The following EYS variants were observed in gnomAD, a reference collection of about 807,000 sequenced individuals.
The protein encoded by EYS is protein eyes shut homolog.
EYS carries 250 observed loss-of-function variants against 282.1 expected under a neutral mutation model. That is an observed-to-expected ratio of 0.89 (90% CI 0.80 to 0.98). The LOEUF is 0.98. EYS is among the 50% of genes least tolerant of loss of function. The pLI is 0.00. For missense variants in EYS, 4,016 were observed against 3,709.0 expected, an observed-to-expected ratio of 1.08 and a Z score of -2.15; for synonymous variants, 1,355 against 1,282.9, an observed-to-expected ratio of 1.06 and a Z score of -1.20.
chr6:64,615,680 A>T (rs1290592328), intron 24 of EYS, among the ~76,000 whole-genome samples: 1 of 152,132 alleles, frequency 6.6e-6, no homozygotes, highest in Non-Finnish European at 1.5e-5. Flanking sequence ...AAGAATAACT[A>T]ATGCATTAGC....
chr6:64,073,762 ATGTG>A (rs886472090), intron 32 of EYS, among the ~76,000 whole-genome samples: 9 of 151,076 alleles, frequency 6.0e-5, no homozygotes, highest in African/African-American at 1.7e-4. Flanking sequence ...CTTTATATAT[ATGTG>A]TGTGTGTGTG....
intron 26 of EYS, among the ~76,000 whole-genome samples, chr6:64,520,161 TTC>T (rs1777686553): frequency 6.6e-6 from 1 of 151,690 alleles, no homozygotes; most frequent in African/African-American, 2.4e-5. Flanking sequence ...TTCTGTAAAC[TTC>T]TGTGTGGAGG....
intron 22 of EYS, among the ~76,000 whole-genome samples, chr6:64,679,250 T>C (rs1281398148): frequency 6.6e-6 from 1 of 152,164 alleles, no homozygotes; most frequent in Admixed American, 6.6e-5. Flanking sequence ...TAAGTGTGTA[T>C]GTGCATATGT....
chr6:65,193,010 C>A (rs1169862594), intron 12 of EYS, among the ~76,000 whole-genome samples: 1 of 151,642 alleles, frequency 6.6e-6, no homozygotes, highest in East Asian at 1.9e-4. Context: ...AGATAAAAAT[C>A]CTTTCATTTG....
chr6:65,310,385 C>T (rs1769124367), intron 11 of EYS, among the ~76,000 whole-genome samples: 1 of 151,932 alleles, frequency 6.6e-6, no homozygotes, highest in African/African-American at 2.4e-5. Flanking sequence ...ATAGATATAT[C>T]TGGGATTAGT....
intron 13 of EYS, 83 bp from the exon 14 acceptor site, chr6:64,997,786 T>A (rs1771320367): frequency 3.9e-6 from 5 of 1,280,572 alleles, no homozygotes. Context: ...AATTCTATAA[T>A]CATTTATGTA....
intron 14 of EYS, among the ~76,000 whole-genome samples, chr6:64,948,319 AC>A (rs1255337959): frequency 1.3e-5 from 2 of 151,176 alleles, no homozygotes; most frequent in African/African-American, 4.8e-5. Flanking sequence ...CTCAATTTAG[AC>A]ATTCTTGCTG....
chr6:64,227,937 T>C (rs904637987), intron 31 of EYS, among the ~76,000 whole-genome samples: 1 of 152,140 alleles, frequency 6.6e-6, no homozygotes, highest in African/African-American at 2.4e-5. Context: ...GCAAGGTTTT[T>C]ACCAGGCAAT....
intron 5 of EYS, among the ~76,000 whole-genome samples, chr6:65,488,862 C>G (rs1355375263): frequency 6.6e-6 from 1 of 152,026 alleles, no homozygotes. Context: ...ACCTGACACA[C>G]ACAAGCAATG....
chr6:64,693,217 A>C (rs1770461649), intron 22 of EYS, among the ~76,000 whole-genome samples: 1 of 151,406 alleles, frequency 6.6e-6, no homozygotes, highest in Admixed American at 6.6e-5. Flanking sequence ...GAAAGACTTA[A>C]TTTTTTTCAT....
At chr6:63,998,125 A>T (rs931174984) in intron 34 of EYS, among the ~76,000 whole-genome samples, 3 of 152,198 alleles carry the variant, frequency 2.0e-5, no homozygotes, top group African/African-American at 7.2e-5. Context: ...AAGGGACACA[A>T]AAGTGCTGGG....
chr6:65,527,642 C>T (rs1354805966), intron 2 of EYS, among the ~76,000 whole-genome samples: 1 of 152,218 alleles, frequency 6.6e-6, no homozygotes, highest in African/African-American at 2.4e-5. Flanking sequence ...GTTATTTCCA[C>T]TAGTCTATGT....
intron 26 of EYS, among the ~76,000 whole-genome samples, chr6:64,454,270 C>A (rs1338600879): frequency 6.6e-6 from 1 of 152,088 alleles, no homozygotes; most frequent in Non-Finnish European, 1.5e-5. Context: ...CAATCAAACA[C>A]AGAGTTAATT....
chr6:63,756,832 T>C (rs1769497702), intron 41 of EYS, among the ~76,000 whole-genome samples: 1 of 152,208 alleles, frequency 6.6e-6, no homozygotes, highest in Non-Finnish European at 1.5e-5. Context: ...GAAGGTTTCA[T>C]GGACATTTAT....
At chr6:64,450,145 T>C (rs1470497457) in intron 26 of EYS, among the ~76,000 whole-genome samples, 5 of 150,898 alleles carry the variant, frequency 3.3e-5, no homozygotes, top group Non-Finnish European at 7.4e-5. Flanking sequence ...AGGCTCAAAA[T>C]AAAGGGATGG....
At chr6:64,318,715 CTT>C (rs1177162729) in intron 29 of EYS, among the ~76,000 whole-genome samples, 1 of 151,268 alleles carries the variant, frequency 6.6e-6, no homozygotes, top group African/African-American at 2.4e-5. Flanking sequence ...TATTTTAAAA[CTT>C]ATTTTAAAAT....
At chr6:63,849,292 C>A (rs1272792561) in intron 36 of EYS, among the ~76,000 whole-genome samples, 1 of 152,196 alleles carries the variant, frequency 6.6e-6, no homozygotes, top group Admixed American at 6.5e-5. Flanking sequence ...TGCCTGCTGG[C>A]TCTGAAGAGA....
chr6:64,768,349 T>A (rs1375529089), intron 22 of EYS, among the ~76,000 whole-genome samples: 1 of 152,148 alleles, frequency 6.6e-6, no homozygotes, highest in East Asian at 1.9e-4. Flanking sequence ...ATTTTTAATG[T>A]TGCCTTCATG....
intron 22 of EYS, among the ~76,000 whole-genome samples, chr6:64,675,121 T>C (rs1173195059): frequency 2.0e-5 from 3 of 152,194 alleles, no homozygotes; most frequent in Non-Finnish European, 4.4e-5. Context: ...ATTTTAGTAA[T>C]GCTAAGCTTT....
Sources: allele counts gnomAD v4.1 joint callset (sites outside exome capture counted in the v4.1 genomes callset), GRCh38; gene constraint gnomAD v4.1.1; transcripts MANE v1.5; gene names NCBI Gene and HGNC (gene_info 2026-07-23, HGNC 2026-07-21).